GALNT9: variants seen among roughly 807,000 people sequenced by gnomAD.
The protein encoded by GALNT9 is polypeptide N-acetylgalactosaminyltransferase 9.
A neutral mutation model predicts 63.1 loss-of-function variants in GALNT9; 47 were observed. The observed-to-expected ratio is 0.75, with a 90% CI of 0.59 to 0.95. GALNT9 has a LOEUF of 0.95. Ranked by LOEUF, GALNT9 falls within the 40% of genes least tolerant of loss-of-function variation. GALNT9 has a pLI of 0.00. For synonymous variants in GALNT9, 396 were observed against 365.7 expected, an observed-to-expected ratio of 1.08 and a Z score of -0.94; for missense variants, 829 against 874.8, an observed-to-expected ratio of 0.95 and a Z score of 0.66.
intron 5 of GALNT9, among the ~76,000 whole-genome samples, chr12:132,249,256 C>G (rs1370124922): frequency 6.6e-6 from 1 of 152,250 alleles, no homozygotes; most frequent in Non-Finnish European, 1.5e-5. Context: ...CACGCTATCC[C>G]CAGATGCCAC....
At chr12:132,324,266 G>A (rs183159472) in intron 1 of GALNT9, among the ~76,000 whole-genome samples, 374 of 152,246 alleles carry the variant, frequency 2.5e-3, no homozygotes, top group African/African-American at 8.5e-3. Context: ...GGGGGCCGCA[G>A]GACATTCCGA....
intron 6 of GALNT9, among the ~76,000 whole-genome samples, chr12:132,210,785 G>T (rs982290406): frequency 1.3e-5 from 2 of 151,972 alleles, no homozygotes; most frequent in East Asian, 3.9e-4. Flanking sequence ...TCGCCATCTG[G>T]AGGTCGCCGT....
At chr12:132,197,692 G>C in intron 10 of GALNT9, 100 bp downstream of exon 10, 4 of 921,488 alleles carry the variant, frequency 4.3e-6, no homozygotes, top group Non-Finnish European at 6.7e-6. Context: ...CCGCACTCCA[G>C]CTCCCACCCA....
intron 8 of GALNT9, chr12:132,200,830 A>C: frequency 4.8e-6 from 2 of 418,538 alleles, no homozygotes; most frequent in Non-Finnish European, 8.7e-6. Context: ...GCCTGCCTCT[A>C]GGGAGGTCCA....
intron 1 of GALNT9, among the ~76,000 whole-genome samples, chr12:132,290,251 C>T (rs1233958116): frequency 6.6e-6 from 1 of 152,150 alleles, no homozygotes; most frequent in African/African-American, 2.4e-5. Flanking sequence ...TCTGCCCTCA[C>T]CACACACAGA....
chr12:132,273,270 G>A (rs1273339107), intron 2 of GALNT9: 1 of 152,348 alleles, frequency 6.6e-6, no homozygotes, highest in Non-Finnish European at 1.5e-5. Flanking sequence ...TTACAGGTGG[G>A]TGCCACCATG....
intron 6 of GALNT9, among the ~76,000 whole-genome samples, chr12:132,207,935 A>G (rs1229812850): frequency 6.6e-6 from 1 of 152,030 alleles, no homozygotes; most frequent in Non-Finnish European, 1.5e-5. Flanking sequence ...CTCCTCGCGC[A>G]AGCAGCACTG....
intron 4 of GALNT9, among the ~76,000 whole-genome samples, chr12:132,260,735 T>G (rs1555239644): frequency 6.6e-6 from 1 of 152,180 alleles, no homozygotes; most frequent in Non-Finnish European, 1.5e-5. Flanking sequence ...CTCCCGTGGT[T>G]TTGCATTCAG....
intron 1 of GALNT9, among the ~76,000 whole-genome samples, chr12:132,295,187 G>A (rs1043681038): frequency 1.3e-5 from 2 of 152,206 alleles, no homozygotes; most frequent in East Asian, 1.9e-4. Flanking sequence ...GCCTTCAGAC[G>A]GGCACCCGGA....
rs1881786484 is a variant in GALNT9, at chr12:132,310,840, TC to T, written c.238+18125del. Among the ~76,000 whole-genome samples the T allele has an allele frequency of 6.6e-6, 1 of 151,946 alleles. No individual in the cohort carries two copies. The highest frequency in any genetic ancestry group is 1.5e-5 in the Non-Finnish European group (1 of 67,986). On this transcript the variant is annotated intron_variant, in intron 1 of 10. Transcript: ENST00000328957. This position sits in a 1 kb window ranked among gnomAD's most constrained non-coding sequence, Gnocchi z 4.8. ...TGTGGCTGTGGCCTGAGGGAGGTGATCCCCAAACAGCCCAAACCCGGCTGTC... is the reference window on the plus strand; with the variant it reads ...TGTGGCTGTGGCCTGAGGGAGGTGATCCCAAACAGCCCAAACCCGGCTGTC...
chr12:132,197,964 G>A lies in GALNT9; in HGVS notation c.1498-5C>T, dbSNP rs1463808342. 1 of 1,603,662 alleles carries A rather than the reference G, an allele frequency of 6.2e-7. No individual in the cohort carries two copies. Among genetic ancestry groups the A allele is most frequent in the South Asian group, 1.1e-5 (1 of 90,070 alleles). On this transcript the variant is annotated splice_polypyrimidine_tract_variant and splice_region_variant and intron_variant, in intron 9 of 10. Transcript: ENST00000328957. ...ATCAGCGCTGTACCGCACCAGCTGG[G>A]GACAGGACCACCGGGACTGTGTGTG...
At chr12:132,304,917 C>T (rs1343084745) in intron 1 of GALNT9, among the ~76,000 whole-genome samples, 2 of 37,782 alleles carry the variant, frequency 5.3e-5, no homozygotes, top group Non-Finnish European at 9.3e-5. Flanking sequence ...ACGCCCTCAC[C>T]GGGGCACACC....
chr12:132,261,979 C>T (rs540019437), intron 3 of GALNT9, among the ~76,000 whole-genome samples: 3 of 152,332 alleles, frequency 2.0e-5, no homozygotes, highest in African/African-American at 7.2e-5. Context: ...CTGGTGTGAG[C>T]CTCTGTGGGC....
At position 132,252,654 on chromosome 12, in the gene GALNT9, G is replaced by A. The variant is rs1481966424; in HGVS notation, c.960-4627C>T. On this transcript the variant is annotated intron_variant, in intron 5 of 10. Coordinates refer to ENST00000328957, the MANE Select transcript of GALNT9 (RefSeq NM_001122636.2). The surrounding 1 kb of genome is among the most constrained non-coding windows in gnomAD (Gnocchi z 5.2). ...AGCACTTTGGGAGGCCGAGGCAGGC[G>A]GATCACCTGAGGTCGGGAGTTCGAG... 2.6e-5 allele frequency among the ~76,000 whole-genome samples: 4 copies of A among 152,126 alleles called. No homozygotes were observed. Among genetic ancestry groups the A allele is most frequent in the South Asian group, 4.1e-4 (2 of 4,822 alleles).
intron 2 of GALNT9, among the ~76,000 whole-genome samples, chr12:132,285,560 G>A (rs1555242069): frequency 1.3e-5 from 2 of 152,252 alleles, no homozygotes; most frequent in Admixed American, 6.5e-5. Context: ...GCCTGGGGGC[G>A]ACAGGATGGG....
intron 2 of GALNT9, among the ~76,000 whole-genome samples, chr12:132,266,081 T>C (rs1879584318): frequency 6.8e-6 from 1 of 147,744 alleles, no homozygotes. Context: ...TGTCTGCCTT[T>C]ACACGCCCGA....
At chr12:132,262,962 T>C (rs957521862) in intron 2 of GALNT9, among the ~76,000 whole-genome samples, 5 of 152,024 alleles carry the variant, frequency 3.3e-5, no homozygotes, top group African/African-American at 1.2e-4. Flanking sequence ...AGCACACACA[T>C]GGCCCCTGTG....
chr12:132,207,837 G>A (rs1403822367), intron 6 of GALNT9, among the ~76,000 whole-genome samples: 1 of 152,148 alleles, frequency 6.6e-6, no homozygotes, highest in East Asian at 1.9e-4. Context: ...TAAAGTCGGA[G>A]AGTGAACCCC....
chr12:132,292,269 CAT>C (rs1315326626), intron 1 of GALNT9, among the ~76,000 whole-genome samples: 1 of 152,246 alleles, frequency 6.6e-6, no homozygotes, highest in African/African-American at 2.4e-5. Context: ...CCCAGCGCCT[CAT>C]GTGTTCACAG....
Sources: gnomAD v4.1 joint callset for allele counts (sites outside exome capture counted in the v4.1 genomes callset) on GRCh38, gnomAD v4.1.1 for gene constraint, Gnocchi (gnomAD v3.1) non-coding constraint, MANE v1.5 for transcripts, NCBI Gene and HGNC (gene_info 2026-07-23, HGNC 2026-07-21) for gene names.